The following ZNRF1 variants were observed in gnomAD, a reference collection of about 807,000 sequenced individuals.
ZNRF1 encodes the protein E3 ubiquitin-protein ligase ZNRF1.
In ZNRF1, 3 loss-of-function variants were observed where a neutral mutation model predicts 18.4. The ratio of observed to expected loss-of-function variants is 0.16; its 90% CI spans 0.07 to 0.42. The LOEUF (loss-of-function observed/expected upper bound fraction) is 0.42. ZNRF1 is among the 10% of genes least tolerant of loss of function. ZNRF1 has a pLI of 0.99. For synonymous variants in ZNRF1, 157 were observed against 144.2 expected, an observed-to-expected ratio of 1.09 and a Z score of -0.64; for missense variants, 310 against 329.8, an observed-to-expected ratio of 0.94 and a Z score of 0.47.
intron 1 of ZNRF1, among the ~76,000 whole-genome samples, chr16:75,078,632 A>G (rs2035972793): frequency 6.6e-6 from 1 of 152,070 alleles, no homozygotes; most frequent in Non-Finnish European, 1.5e-5. Flanking sequence ...GTCAATATTT[A>G]TGTTTCTGAT....
intron 1 of ZNRF1, among the ~76,000 whole-genome samples, chr16:75,012,573 C>G (rs2035012834): frequency 1.3e-5 from 2 of 152,062 alleles, no homozygotes; most frequent in African/African-American, 4.8e-5. Flanking sequence ...GAGACGCCAC[C>G]CAGTCAGCCT....
At chr16:75,015,018 G>A (rs1338285738) in intron 1 of ZNRF1, among the ~76,000 whole-genome samples, 1 of 151,990 alleles carries the variant, frequency 6.6e-6, no homozygotes, top group African/African-American at 2.4e-5. Context: ...TGGTTTGTAC[G>A]AATTTGTTTT....
chr16:75,037,578 A>G (rs1386957214), intron 1 of ZNRF1, among the ~76,000 whole-genome samples: 2 of 152,096 alleles, frequency 1.3e-5, no homozygotes, highest in Non-Finnish European at 2.9e-5. Context: ...ACCTCAGGTG[A>G]TCTGCCACCT....
chr16:75,089,632 G>A (rs887010555), intron 1 of ZNRF1, among the ~76,000 whole-genome samples: 1 of 152,216 alleles, frequency 6.6e-6, no homozygotes, highest in African/African-American at 2.4e-5. Context: ...AGAACCCTGA[G>A]GCTAGTCTCA....
At chr16:75,059,357 C>A (rs1313607128) in intron 1 of ZNRF1, among the ~76,000 whole-genome samples, 1 of 149,542 alleles carries the variant, frequency 6.7e-6, no homozygotes, top group Non-Finnish European at 1.5e-5. Flanking sequence ...AAGCGATTCT[C>A]CTGCCTCAGC....
Position 75,073,205 on chromosome 16 carries a change from C to T in ZNRF1, c.425-20367C>T, listed in dbSNP as rs149378073. ...ATATATACACACATAGATATGTATA[C>T]GTATCTATATACATAGATTTATATA... On this transcript the variant is annotated intron_variant, in intron 1 of 4. Transcript: ENST00000335325. Among the ~76,000 whole-genome samples the T allele has an allele frequency of 7.7e-4, 114 of 147,622 alleles. 1 individual carries two copies. Among genetic ancestry groups the T allele is most frequent in the African/African-American group, 2.5e-3 (100 of 40,068 alleles).
chr16:75,087,809 G>A (rs757791258), intron 1 of ZNRF1, among the ~76,000 whole-genome samples: 4 of 152,216 alleles, frequency 2.6e-5, no homozygotes, highest in Non-Finnish European at 5.9e-5. Flanking sequence ...GCAAGCCCGA[G>A]CAAACTGACA....
intron 4 of ZNRF1, 26 bp from the exon 5 acceptor site, chr16:75,107,707 C>T (rs1341597403): frequency 3.7e-5 from 17 of 456,188 alleles, no homozygotes; most frequent in Admixed American, 2.8e-4. Context: ...CGATGGAGCA[C>T]GACTTATTTA....
chr16:75,028,382 C>T (rs2035253971), intron 1 of ZNRF1, among the ~76,000 whole-genome samples: 1 of 152,232 alleles, frequency 6.6e-6, no homozygotes, highest in Non-Finnish European at 1.5e-5. Context: ...CAACCTCTGT[C>T]TCCTGGGTTC....
At chr16:75,052,912 A>G (rs1417533447) in intron 1 of ZNRF1, among the ~76,000 whole-genome samples, 2 of 152,232 alleles carry the variant, frequency 1.3e-5, no homozygotes, top group Admixed American at 1.3e-4. Flanking sequence ...ACAGAGTTAA[A>G]GCAAGGCTGG....
intron 1 of ZNRF1, among the ~76,000 whole-genome samples, chr16:75,056,767 C>T (rs2035673096): frequency 2.0e-5 from 3 of 152,124 alleles, no homozygotes; most frequent in Admixed American, 6.5e-5. Context: ...GCTGGGATTA[C>T]AGGTGTGTGC....
At chr16:75,068,379 C>T (rs1162670602) in intron 1 of ZNRF1, among the ~76,000 whole-genome samples, 1 of 151,782 alleles carries the variant, frequency 6.6e-6, no homozygotes, top group Non-Finnish European at 1.5e-5. Context: ...AATCATGAAC[C>T]AGTTAACCCT....
At chr16:75,007,850 C>CTT (rs1454118441) in intron 1 of ZNRF1, among the ~76,000 whole-genome samples, 1 of 152,000 alleles carries the variant, frequency 6.6e-6, no homozygotes, top group African/African-American at 2.4e-5. Context: ...CATTAGCTTT[C>CTT]TTTTTATTTG....
At chr16:75,087,249 A>G (rs1862405881) in intron 1 of ZNRF1, among the ~76,000 whole-genome samples, 2 of 152,156 alleles carry the variant, frequency 1.3e-5, no homozygotes, top group Admixed American at 6.5e-5. Context: ...ACATGACCAC[A>G]TCAGCATTCC....
At chr16:75,037,908 T>C (rs903675815) in intron 1 of ZNRF1, among the ~76,000 whole-genome samples, 2 of 152,154 alleles carry the variant, frequency 1.3e-5, no homozygotes, top group Non-Finnish European at 2.9e-5. Context: ...TGCTGACAAA[T>C]GTGGAAAAGT....
intron 1 of ZNRF1, among the ~76,000 whole-genome samples, chr16:75,015,587 C>T (rs900521784): frequency 4.6e-5 from 7 of 151,978 alleles, no homozygotes; most frequent in Admixed American, 6.6e-5. Context: ...AAAAAAAAAT[C>T]GTGTATTTAG....
chr16:75,031,300 T>A (rs1208665038), intron 1 of ZNRF1, among the ~76,000 whole-genome samples: 1 of 151,028 alleles, frequency 6.6e-6, no homozygotes, highest in Non-Finnish European at 1.5e-5. Flanking sequence ...CCCAACTAAT[T>A]TTTGTATTTT....
At chr16:75,065,737 C>T (rs1426289693) in intron 1 of ZNRF1, among the ~76,000 whole-genome samples, 1 of 152,156 alleles carries the variant, frequency 6.6e-6, no homozygotes. Flanking sequence ...TTCTTCGTGT[C>T]TATAACTTGC....
At chr16:75,076,548 A>G (rs1336294500) in intron 1 of ZNRF1, among the ~76,000 whole-genome samples, 3 of 151,348 alleles carry the variant, frequency 2.0e-5, no homozygotes, top group Non-Finnish European at 4.4e-5. Flanking sequence ...ATATGAATGG[A>G]TAGACAGACT....
Sources: gnomAD v4.1 joint callset for allele counts (sites outside exome capture counted in the v4.1 genomes callset) on GRCh38, gnomAD v4.1.1 for gene constraint, MANE v1.5 for transcripts, NCBI Gene and HGNC (gene_info 2026-07-23, HGNC 2026-07-21) for gene names.